Variants in ATRNL1 observed in about 807,000 individuals in gnomAD.
The protein encoded by ATRNL1 is attractin like 1.
A neutral mutation model predicts 182.7 loss-of-function variants in ATRNL1; 95 were observed. The ratio of observed to expected loss-of-function variants is 0.52; its 90% confidence interval spans 0.44 to 0.62. The LOEUF is 0.62. Among genes scored for constraint, ATRNL1 ranks in the 20% least tolerant of loss-of-function variants. The pLI, the probability that ATRNL1 is intolerant of heterozygous loss-of-function variation, is 0.00. For missense variants in ATRNL1, 1,471 were observed against 1,679.5 expected (o/e 0.88, Z 2.17); for synonymous variants, 576 against 568.3 (o/e 1.01, Z -0.19).
At chr10:115,748,512 C>T (rs987476522) in intron 27 of ATRNL1, among the ~76,000 whole-genome samples, 6 of 151,604 alleles carry the variant, frequency 4.0e-5, no homozygotes, top group African/African-American at 7.2e-5. Flanking sequence ...TTTTTTCTGT[C>T]TCTGAAAGCC....
At chr10:115,439,550 G>A (rs1190670896) in intron 21 of ATRNL1, among the ~76,000 whole-genome samples, 3 of 151,864 alleles carry the variant, frequency 2.0e-5, no homozygotes, top group Admixed American at 6.6e-5. Context: ...ATTTATTTAT[G>A]TATTGATACT....
chr10:115,601,989 A>G (rs1187264579), intron 26 of ATRNL1, among the ~76,000 whole-genome samples: 13 of 128,262 alleles, frequency 1.0e-4, no homozygotes, highest in Non-Finnish European at 1.8e-4. Context: ...TTTTTTTACT[A>G]TTTTCTTACT....
At chr10:115,896,350 CTAAT>C (rs1952207974) in intron 28 of ATRNL1, among the ~76,000 whole-genome samples, 1 of 151,974 alleles carries the variant, frequency 6.6e-6, no homozygotes, top group Admixed American at 6.6e-5. Flanking sequence ...AATTCCTGTG[CTAAT>C]TAAACTGTTT....
chr10:115,491,035 C>T (rs1165807960), intron 24 of ATRNL1, among the ~76,000 whole-genome samples: 1 of 152,174 alleles, frequency 6.6e-6, no homozygotes, highest in Non-Finnish European at 1.5e-5. Context: ...ACTCCAGACT[C>T]TTTTTGCCTG....
At chr10:115,679,047 A>G (rs61882162) in intron 26 of ATRNL1, among the ~76,000 whole-genome samples, 2,363 of 152,222 alleles carry the variant, frequency 0.016, 21 homozygotes, top group South Asian at 0.026. Context: ...TCCACTGTGC[A>G]GTAGTTGTAA....
intron 8 of ATRNL1, among the ~76,000 whole-genome samples, chr10:115,187,890 C>G (rs1554889088): frequency 6.6e-6 from 1 of 151,648 alleles, no homozygotes; most frequent in Admixed American, 6.6e-5. Flanking sequence ...CCATGTTAAC[C>G]AGGATGGTCT....
At chr10:115,885,965 C>T (rs762340318) in intron 28 of ATRNL1, among the ~76,000 whole-genome samples, 87 of 152,286 alleles carry the variant, frequency 5.7e-4, no homozygotes, top group Non-Finnish European at 3.2e-4. Flanking sequence ...GTCATTCATT[C>T]TAAGTTATTA....
intron 18 of ATRNL1, among the ~76,000 whole-genome samples, chr10:115,317,541 G>A (rs972103651): frequency 4.6e-5 from 7 of 152,156 alleles, no homozygotes; most frequent in Non-Finnish European, 1.0e-4. Context: ...TGTTTTTCCA[G>A]TTGTTTATGT....
rs117804734 is a variant in ATRNL1, at chr10:115,260,345, G to A, written c.1688-4848G>A. On this transcript the variant is annotated intron_variant, in intron 10 of 28. Coordinates refer to ENST00000355044, the MANE Select transcript of ATRNL1 (RefSeq NM_207303.4). ...GGTCTTCCTAAAATGCTGTTAGTCCGATTTATGGTTTCCAGGCAGGAGACT... is the reference window on the plus strand; with the variant it reads ...GGTCTTCCTAAAATGCTGTTAGTCCAATTTATGGTTTCCAGGCAGGAGACT... Among the ~76,000 whole-genome samples, 984 of 152,266 alleles carry A rather than the reference G, an allele frequency of 6.5e-3. 5 individuals are homozygous for A. The highest frequency in any genetic ancestry group is 9.2e-3 in the Non-Finnish European group (623 of 68,020).
At chr10:115,094,429 C>T (rs915084158) in intron 1 of ATRNL1, among the ~76,000 whole-genome samples, 7 of 152,292 alleles carry the variant, frequency 4.6e-5, no homozygotes, top group Non-Finnish European at 7.4e-5. Context: ...GAAATACATG[C>T]GCATTGTGAA....
chr10:115,344,593 G>A (rs1855896111), intron 19 of ATRNL1, among the ~76,000 whole-genome samples: 1 of 152,110 alleles, frequency 6.6e-6, no homozygotes. Context: ...CTAAAATTGG[G>A]GATCCCAAGA....
At chr10:115,546,580 A>G (rs73373381) in intron 25 of ATRNL1, among the ~76,000 whole-genome samples, 1 of 151,606 alleles carries the variant, frequency 6.6e-6, no homozygotes, top group Non-Finnish European at 1.5e-5. Flanking sequence ...AAAAAAAAAA[A>G]GTTACACTAT....
rs529268584 is a variant in ATRNL1 at position 115,218,672 on chromosome 10, G to A, written c.1532+2792G>A. 4.3e-4 allele frequency among the ~76,000 whole-genome samples: 65 copies of A among 152,200 alleles called. 1 individual carries two copies. Among genetic ancestry groups the A allele is most frequent in the African/African-American group, 1.5e-3 (64 of 41,530 alleles). On this transcript the variant is annotated intron_variant, in intron 9 of 28. Transcript: ENST00000355044. ...TCAGAAATTCGAGAGTTTACTTGTC[G>A]CCCCCATAATTCCAGTTTGGCATTG...
chr10:115,498,038 T>G (rs1249725472), intron 24 of ATRNL1, among the ~76,000 whole-genome samples: 1 of 152,208 alleles, frequency 6.6e-6, no homozygotes, highest in Non-Finnish European at 1.5e-5. Context: ...TCTCAAAGAA[T>G]AAATTACTTT....
intron 26 of ATRNL1, among the ~76,000 whole-genome samples, chr10:115,659,704 A>T (rs1026664745): frequency 6.6e-6 from 1 of 152,130 alleles, no homozygotes; most frequent in African/African-American, 2.4e-5. Context: ...ACTTACACAT[A>T]ATCATTGGAG....
chr10:115,186,588 A>G (rs1455541686), intron 8 of ATRNL1, among the ~76,000 whole-genome samples: 1 of 152,140 alleles, frequency 6.6e-6, no homozygotes, highest in African/African-American at 2.4e-5. Context: ...ATTAAGTGAA[A>G]TAAGCCAGGC....
chr10:115,479,083 A>G (rs1468223779), intron 24 of ATRNL1, among the ~76,000 whole-genome samples: 2 of 151,616 alleles, frequency 1.3e-5, no homozygotes, highest in East Asian at 1.9e-4. Context: ...TACTAGCATC[A>G]TTGTTGGCAA....
chr10:115,408,825 G>A (rs664158), intron 20 of ATRNL1, among the ~76,000 whole-genome samples: 57,861 of 151,834 alleles, frequency 0.38, 12,187 homozygotes, highest in African/African-American at 0.57. Flanking sequence ...TATTGAAGAG[G>A]TTATTTTTTC....
chr10:115,837,350 G>C (rs1026471608), intron 27 of ATRNL1, among the ~76,000 whole-genome samples: 1 of 151,760 alleles, frequency 6.6e-6, no homozygotes, highest in South Asian at 2.1e-4. Flanking sequence ...AGCATCCTCC[G>C]TCTACTAACA....
Sources: gnomAD v4.1 joint callset for allele counts (sites outside exome capture counted in the v4.1 genomes callset) on GRCh38, gnomAD v4.1.1 for gene constraint, MANE v1.5 for transcripts, NCBI Gene and HGNC (gene_info 2026-07-23, HGNC 2026-07-21) for gene names.